The following LRRC1 variants were observed in gnomAD, a reference collection of about 807,000 sequenced individuals.
LRRC1 encodes the protein leucine-rich repeat-containing protein 1.
LRRC1 carries 28 observed loss-of-function variants against 69.9 expected under a neutral mutation model. That is an observed-to-expected ratio of 0.40 (90% confidence interval 0.30 to 0.55). The LOEUF (loss-of-function observed/expected upper bound fraction) is 0.55. LRRC1 is among the 20% of genes least tolerant of loss of function. LRRC1 has a pLI of 0.47. For synonymous variants in LRRC1, 236 were observed against 240.2 expected, an observed-to-expected ratio of 0.98 and a Z score of 0.16; for missense variants, 498 against 609.0, an observed-to-expected ratio of 0.82 and a Z score of 1.92.
At chr6:53,904,537 C>G (rs1037778599) in intron 10 of LRRC1, 75 bp downstream of exon 10, 92 of 1,050,404 alleles carry the variant, frequency 8.8e-5, no homozygotes, top group Non-Finnish European at 1.3e-4. Flanking sequence ...TCAAAAATGT[C>G]AAATGCTTTG....
At chr6:53,837,086 GTAA>G (rs1270255719) in intron 1 of LRRC1, among the ~76,000 whole-genome samples, 1 of 151,988 alleles carries the variant, frequency 6.6e-6, no homozygotes, top group African/African-American at 2.4e-5. Flanking sequence ...GAATTTCATT[GTAA>G]TAATGTATAA....
chr6:53,860,569 T>A (rs1306024769), intron 2 of LRRC1, among the ~76,000 whole-genome samples: 2 of 152,188 alleles, frequency 1.3e-5, no homozygotes, highest in Admixed American at 1.3e-4. Context: ...GATGTACTTG[T>A]ATTATAGTAG....
chr6:53,804,047 A>T (rs1352258373), intron 1 of LRRC1, among the ~76,000 whole-genome samples: 2 of 152,196 alleles, frequency 1.3e-5, no homozygotes, highest in African/African-American at 2.4e-5. Flanking sequence ...CTTGATCTGG[A>T]AGATGCTGAA....
chr6:53,842,164 C>T lies in LRRC1; in HGVS notation c.214C>T (p.Gln72Ter). The T allele has an allele frequency of 6.2e-7, 1 of 1,613,994 alleles. No individual in the cohort carries two copies. The highest frequency in any genetic ancestry group is 8.5e-7 in the Non-Finnish European group (1 of 1,179,926). Residue 72 changes from glutamine (Q) to a stop codon, truncating the protein, a stop_gained, in exon 2 of 14, where the codon CAG becomes TAG. Coordinates refer to ENST00000370888, the MANE Select transcript of LRRC1 (RefSeq NM_018214.5). LOFTEE classifies it high-confidence loss of function. ...GCTTGGACTTAGTGATAATGAAATTCAGCGGCTCCCTCCAGAAATAGCAAA... is the reference window on the plus strand; with the variant it reads ...GCTTGGACTTAGTGATAATGAAATTTAGCGGCTCCCTCCAGAAATAGCAAA... ...RKLGLSDNEI[Q>*]RLPPEIANFM...
At chr6:53,806,622 C>T (rs1459044557) in intron 1 of LRRC1, among the ~76,000 whole-genome samples, 1 of 152,174 alleles carries the variant, frequency 6.6e-6, no homozygotes, top group African/African-American at 2.4e-5. Flanking sequence ...AATTTTATGA[C>T]TTGATGTCCC....
At chr6:53,859,634 T>A (rs1471959653) in intron 2 of LRRC1, among the ~76,000 whole-genome samples, 2 of 152,114 alleles carry the variant, frequency 1.3e-5, no homozygotes, top group Non-Finnish European at 1.5e-5. Flanking sequence ...TTCAAGCATC[T>A]ATTATAATGA....
intron 1 of LRRC1, among the ~76,000 whole-genome samples, chr6:53,804,880 G>A (rs540238461): frequency 2.6e-5 from 4 of 152,244 alleles, no homozygotes; most frequent in Non-Finnish European, 4.4e-5. Context: ...CTAATCTGTC[G>A]TTTTGCACCT....
chr6:53,834,948 C>T (rs374357246), intron 1 of LRRC1, among the ~76,000 whole-genome samples: 22 of 152,210 alleles, frequency 1.4e-4, no homozygotes, highest in African/African-American at 4.1e-4. Flanking sequence ...GGCGACAGAG[C>T]GAGACTCCGT....
chr6:53,889,081 A>G (rs1767589929), intron 4 of LRRC1, among the ~76,000 whole-genome samples: 1 of 152,232 alleles, frequency 6.6e-6, no homozygotes, highest in Admixed American at 6.5e-5. Context: ...AGATATGCAG[A>G]TAACCAATAA....
intron 1 of LRRC1, among the ~76,000 whole-genome samples, chr6:53,836,248 A>G (rs1274268183): frequency 6.6e-6 from 1 of 152,226 alleles, no homozygotes; most frequent in Non-Finnish European, 1.5e-5. Context: ...TGAGAGCAGC[A>G]GCGGAATTAC....
chr6:53,893,321 G>A lies in LRRC1; in HGVS notation c.447-3177G>A, dbSNP rs1767762980. ...AAGCAAGCCTAGCTAATTAGTGAGG[G>A]ACAAGCAGGATTCAAGCCTGGGCCC... On this transcript the variant is annotated intron_variant, in intron 4 of 13. Transcript: ENST00000370888. Among the ~76,000 whole-genome samples the A allele has an allele frequency of 2.6e-5, 4 of 152,128 alleles. No homozygotes were observed. In the South Asian group the frequency reaches 8.3e-4, roughly 31 times the overall value.
chr6:53,844,361 T>C (rs529599841), intron 2 of LRRC1, among the ~76,000 whole-genome samples: 13 of 152,326 alleles, frequency 8.5e-5, no homozygotes, highest in African/African-American at 3.1e-4. Context: ...CGAAAAGTTT[T>C]GGCTCTGACT....
intron 10 of LRRC1, among the ~76,000 whole-genome samples, chr6:53,910,606 T>C (rs2223617): frequency 0.72 from 110,105 of 152,032 alleles, 40,878 homozygotes; most frequent in East Asian, 0.98. Flanking sequence ...GAGGTTTTTA[T>C]TTCCTGGAAA....
chr6:53,805,113 T>G (rs1764601031), intron 1 of LRRC1, among the ~76,000 whole-genome samples: 1 of 152,128 alleles, frequency 6.6e-6, no homozygotes. Context: ...TAGGCTTTAG[T>G]CAGTTGAGCA....
In LRRC1 at chr6:53,904,432, C is replaced by A; in HGVS notation, c.960C>A (p.Asp320Glu). 1 of 1,610,958 alleles carries A rather than the reference C, an allele frequency of 6.2e-7. No individual in the cohort carries two copies. Among genetic ancestry groups the A allele is most frequent in the Non-Finnish European group, 8.5e-7 (1 of 1,178,430 alleles). ...KLKKLSNLNA[D>E]RNKLVSLPKE... ...AGAAGTTGAGCAACTTGAATGCAGA[C>A]AGAAATAAATTAGTGTCCTTACCAA... Residue 320 changes from aspartate (D) to glutamate (E), a missense_variant, in exon 10 of 14, where the codon GAC becomes GAA. Around this residue, in one of 3 missense-constraint regions of LRRC1, gnomAD observed 266 missense variants for 383.9 expected, o/e 0.69. Transcript: ENST00000370888.
intron 1 of LRRC1, among the ~76,000 whole-genome samples, chr6:53,796,787 C>G (rs1178058862): frequency 6.6e-6 from 1 of 152,118 alleles, no homozygotes; most frequent in Admixed American, 6.5e-5. Context: ...CATCAAGTTC[C>G]CTCAGGCGTT....
At chr6:53,868,239 T>G (rs1197526258) in intron 2 of LRRC1, among the ~76,000 whole-genome samples, 2 of 144,036 alleles carry the variant, frequency 1.4e-5, no homozygotes, top group Non-Finnish European at 3.0e-5. Context: ...TTTTTTTTTT[T>G]GAGACGGAGT....
At chr6:53,871,529 A>T (rs1318025046) in intron 2 of LRRC1, among the ~76,000 whole-genome samples, 1 of 152,156 alleles carries the variant, frequency 6.6e-6, no homozygotes, top group African/African-American at 2.4e-5. Context: ...TATTCTGGAT[A>T]TTAACAATCC....
intron 7 of LRRC1, among the ~76,000 whole-genome samples, chr6:53,899,417 A>G (rs906229107): frequency 1.3e-5 from 2 of 152,190 alleles, no homozygotes; most frequent in Non-Finnish European, 2.9e-5. Flanking sequence ...GAAAAGCTAA[A>G]TTCTAGCCTC....
Sources: allele counts gnomAD v4.1 joint callset (sites outside exome capture counted in the v4.1 genomes callset), GRCh38; gene constraint gnomAD v4.1.1; regional missense constraint gnomAD v4.1.1; transcripts MANE v1.5; gene names NCBI Gene and HGNC (gene_info 2026-07-23, HGNC 2026-07-21).